MED27: variants seen among roughly 807,000 people sequenced by gnomAD.
MED27 encodes the protein mediator complex subunit 27.
MED27 carries 30 observed loss-of-function variants against 38.2 expected under a neutral mutation model. That is an observed-to-expected ratio of 0.79 (90% CI 0.59 to 1.07). The LOEUF (loss-of-function observed/expected upper bound fraction) is 1.07, where lower values mean the gene tolerates loss of function less well. MED27 is among the 50% of genes least tolerant of loss of function. The probability of loss-of-function intolerance (pLI) is 0.00; values close to 1 mark genes in which losing one functional copy is unlikely to be tolerated. For synonymous variants in MED27, 122 were observed against 153.5 expected (o/e 0.79, Z 1.52); for missense variants, 289 against 397.5 (o/e 0.73, Z 2.32).
Position 132,068,435 on chromosome 9 carries a change from C to T in MED27, c.348+9007G>A, listed in dbSNP as rs573933974. 4.6e-5 allele frequency among the ~76,000 whole-genome samples: 7 copies of T among 152,176 alleles called. No individual in the cohort carries two copies. The East Asian group carries it at 7.7e-4, about 17-fold the overall frequency. On this transcript the variant is annotated intron_variant, in intron 2 of 7. Coordinates refer to ENST00000292035, the MANE Select transcript of MED27 (RefSeq NM_004269.4). ...AGATCTCTACATTTTAAAGATCCCT[C>T]GAGAGCTGCAGAGTGGAAAATAGAT...
At chr9:132,049,419 T>G (rs1833413467) in intron 2 of MED27, among the ~76,000 whole-genome samples, 1 of 152,150 alleles carries the variant, frequency 6.6e-6, no homozygotes, top group South Asian at 2.1e-4. Context: ...AAAACTTCAG[T>G]ATTCCTGAGA....
intron 2 of MED27, among the ~76,000 whole-genome samples, chr9:132,067,531 A>G (rs551967080): frequency 5.3e-5 from 8 of 152,328 alleles, no homozygotes; most frequent in African/African-American, 1.9e-4. Context: ...TTACTTCTGT[A>G]GACTAGAAGT....
intron 3 of MED27, among the ~76,000 whole-genome samples, chr9:132,008,611 G>T (rs1407157062): frequency 1.3e-5 from 2 of 152,212 alleles, no homozygotes; most frequent in Non-Finnish European, 2.9e-5. Context: ...GCTCAGGGAG[G>T]AATCTGAGTC....
intron 2 of MED27, among the ~76,000 whole-genome samples, chr9:132,019,888 G>C (rs1288024673): frequency 6.6e-6 from 1 of 152,208 alleles, no homozygotes. Context: ...GCTCCTGCTT[G>C]TCATGATAGA....
intron 4 of MED27, among the ~76,000 whole-genome samples, chr9:131,938,147 C>T (rs1435026050): frequency 6.6e-5 from 10 of 152,106 alleles, no homozygotes; most frequent in African/African-American, 2.2e-4. Context: ...AAAACACGCA[C>T]GCACACACAA....
intron 3 of MED27, among the ~76,000 whole-genome samples, chr9:131,973,416 T>C (rs1831525182): frequency 1.3e-5 from 2 of 152,144 alleles, no homozygotes. Context: ...GCCGCAGGGC[T>C]TCTGGAAGAG....
chr9:131,873,860 G>C (rs964979922), intron 6 of MED27, among the ~76,000 whole-genome samples: 6 of 152,230 alleles, frequency 3.9e-5, no homozygotes, highest in Admixed American at 6.5e-5. Flanking sequence ...CTACATATCA[G>C]ATGTGGTTTG....
chr9:132,053,253 CAA>C (rs530638575), intron 2 of MED27, among the ~76,000 whole-genome samples: 11 of 87,530 alleles, frequency 1.3e-4, no homozygotes, highest in Admixed American at 1.3e-4. Flanking sequence ...ACTCCCGTCT[CAA>C]AAAAAAAAAA....
chr9:131,910,624 C>T (rs535709717), intron 4 of MED27, among the ~76,000 whole-genome samples: 21 of 152,264 alleles, frequency 1.4e-4, no homozygotes, highest in Middle Eastern at 3.4e-3. Flanking sequence ...GGAATCCTCA[C>T]GGATTTGAAG....
intron 3 of MED27, among the ~76,000 whole-genome samples, chr9:131,958,401 G>A (rs1005124522): frequency 1.3e-4 from 19 of 151,900 alleles, no homozygotes; most frequent in Non-Finnish European, 2.1e-4. Context: ...GTGCGCCACC[G>A]TGCCTGGCTA....
intron 3 of MED27, among the ~76,000 whole-genome samples, chr9:132,001,757 C>T (rs1285700544): frequency 1.3e-5 from 2 of 152,164 alleles, no homozygotes; most frequent in Non-Finnish European, 2.9e-5. Context: ...GCCAACATTC[C>T]CCCCACAATG....
chr9:132,008,559 A>C (rs1365326716), intron 3 of MED27, among the ~76,000 whole-genome samples: 3 of 152,240 alleles, frequency 2.0e-5, no homozygotes, highest in Non-Finnish European at 4.4e-5. Flanking sequence ...AGGGGGAGAA[A>C]GATATGAATC....
intron 2 of MED27, among the ~76,000 whole-genome samples, chr9:132,038,818 G>A (rs890954290): frequency 3.3e-5 from 5 of 152,208 alleles, no homozygotes; most frequent in African/African-American, 1.2e-4. Context: ...GAAGGAAGGA[G>A]CTGAGGTGGG....
At chr9:131,890,618 T>C (rs1201465191) in intron 5 of MED27, among the ~76,000 whole-genome samples, 1 of 152,226 alleles carries the variant, frequency 6.6e-6, no homozygotes, top group African/African-American at 2.4e-5. Flanking sequence ...AAGTAGGCTT[T>C]TTCATCATCT....
At chr9:132,042,009 C>T (rs906790755) in intron 2 of MED27, among the ~76,000 whole-genome samples, 3 of 152,122 alleles carry the variant, frequency 2.0e-5, no homozygotes, top group Non-Finnish European at 4.4e-5. Flanking sequence ...TAGGATCTGC[C>T]GGCACTGCAG....
intron 2 of MED27, among the ~76,000 whole-genome samples, chr9:132,054,701 C>T (rs941979841): frequency 3.9e-5 from 6 of 152,180 alleles, no homozygotes; most frequent in Non-Finnish European, 8.8e-5. Flanking sequence ...TGAGCCATCA[C>T]GCCCCACTAC....
At chr9:132,039,333 G>A (rs1833153024) in intron 2 of MED27, among the ~76,000 whole-genome samples, 1 of 152,174 alleles carries the variant, frequency 6.6e-6, no homozygotes, top group African/African-American at 2.4e-5. Context: ...GAAGCTCTGT[G>A]CACCTCAGTT....
intron 3 of MED27, among the ~76,000 whole-genome samples, chr9:131,996,957 C>T (rs1832104852): frequency 1.3e-5 from 2 of 152,038 alleles, no homozygotes; most frequent in African/African-American, 4.8e-5. Context: ...TCAACTATGC[C>T]ATTGGTAAGG....
At chr9:131,986,049 T>C (rs1215939960) in intron 3 of MED27, among the ~76,000 whole-genome samples, 1 of 152,016 alleles carries the variant, frequency 6.6e-6, no homozygotes, top group Non-Finnish European at 1.5e-5. Context: ...TTTTGTACAG[T>C]TGTACAATGT....
Sources: gnomAD v4.1 joint callset for allele counts (sites outside exome capture counted in the v4.1 genomes callset) on GRCh38, gnomAD v4.1.1 for gene constraint, MANE v1.5 for transcripts, NCBI Gene and HGNC (gene_info 2026-07-23, HGNC 2026-07-21) for gene names.